The following SLCO2A1 variants were observed in gnomAD, a reference collection of about 807,000 sequenced individuals.
The protein encoded by SLCO2A1 is matrin F/G 1.
SLCO2A1 carries 60 observed loss-of-function variants against 71.7 expected under a neutral mutation model. That is an observed-to-expected ratio of 0.84 (90% CI 0.68 to 1.04). The LOEUF is 1.04. Ranked by LOEUF, SLCO2A1 falls within the 50% of genes least tolerant of loss-of-function variation. The pLI is 0.00. For missense variants in SLCO2A1, 745 were observed against 813.4 expected, an observed-to-expected ratio of 0.92 and a Z score of 1.02; for synonymous variants, 308 against 326.7, an observed-to-expected ratio of 0.94 and a Z score of 0.62.
At chr3:134,018,124 C>T (rs538422434) in intron 1 of SLCO2A1, among the ~76,000 whole-genome samples, 3 of 152,248 alleles carry the variant, frequency 2.0e-5, no homozygotes, top group South Asian at 2.1e-4. Context: ...TACCCGTTCC[C>T]GTTGTTCTCT....
intron 12 of SLCO2A1, 21 bp from the exon 13 acceptor site, chr3:133,935,918 C>T: frequency 6.4e-7 from 1 of 1,564,084 alleles, no homozygotes. Flanking sequence ...GTTCAGAAAG[C>T]CCTGGTCAGG....
chr3:133,962,414 C>T (rs1007823690), intron 3 of SLCO2A1, among the ~76,000 whole-genome samples: 1 of 151,600 alleles, frequency 6.6e-6, no homozygotes, highest in African/African-American at 2.4e-5. Context: ...AAGCTCTTCC[C>T]TTATAAAAAT....
At chr3:133,946,263 C>G (rs904464912) in intron 9 of SLCO2A1, among the ~76,000 whole-genome samples, 4 of 149,868 alleles carry the variant, frequency 2.7e-5, no homozygotes, top group African/African-American at 9.9e-5. Flanking sequence ...AGAGAAAATA[C>G]CAGGGCTGAA....
At chr3:133,944,546 T>C (rs1458764213) in intron 10 of SLCO2A1, among the ~76,000 whole-genome samples, 1 of 152,174 alleles carries the variant, frequency 6.6e-6, no homozygotes, top group African/African-American at 2.4e-5. Context: ...TGAATAGAAG[T>C]GCCCCAGACT....
intron 1 of SLCO2A1, among the ~76,000 whole-genome samples, chr3:134,003,179 G>A (rs1935137555): frequency 6.6e-6 from 1 of 152,240 alleles, no homozygotes; most frequent in Non-Finnish European, 1.5e-5. Flanking sequence ...CAAGACTCCT[G>A]AATGAAATCA....
chr3:133,954,360 C>T (rs573273921), intron 4 of SLCO2A1, among the ~76,000 whole-genome samples: 30 of 152,110 alleles, frequency 2.0e-4, no homozygotes, highest in African/African-American at 7.0e-4. Context: ...CGGGGTTTCT[C>T]CATGTTGATC....
At chr3:133,984,736 G>T (rs1934671523) in intron 1 of SLCO2A1, among the ~76,000 whole-genome samples, 1 of 152,214 alleles carries the variant, frequency 6.6e-6, no homozygotes, top group Non-Finnish European at 1.5e-5. Context: ...GGAGGAAAAG[G>T]TTTGCTAGTT....
intron 3 of SLCO2A1, among the ~76,000 whole-genome samples, chr3:133,972,678 T>C (rs543093558): frequency 3.3e-5 from 5 of 152,308 alleles, no homozygotes; most frequent in South Asian, 2.1e-4. Context: ...ATTAGACTAA[T>C]GGAAGAGTCC....
intron 1 of SLCO2A1, among the ~76,000 whole-genome samples, chr3:133,988,585 G>A (rs1309243167): frequency 6.6e-6 from 1 of 152,248 alleles, no homozygotes; most frequent in Non-Finnish European, 1.5e-5. Flanking sequence ...ACTCACATTT[G>A]TAAAATATTT....
In SLCO2A1 at chr3:134,029,754, T is replaced by C. The variant is rs1351005057; in HGVS notation, c.49A>G (p.Thr17Ala). ...CGGGCACAGCGGCCGGCTCGGCTAGTAGAGGTGTCGCTGCCCTGGGACGCG... is the reference window on the plus strand; with the variant it reads ...CGGGCACAGCGGCCGGCTCGGCTAGCAGAGGTGTCGCTGCCCTGGGACGCG... ...LGASQGSDTS[T>A]SRAGRCARSV... Residue 17 changes from threonine to alanine, a missense_variant, in exon 1 of 14, where the codon ACT becomes GCT. Physicochemically the swap from Thr to Ala is moderately conservative, Grantham distance 58. Coordinates refer to ENST00000310926, the MANE Select transcript of SLCO2A1 (RefSeq NM_005630.3). 1.3e-6 allele frequency: 2 copies of C among 1,583,832 alleles called. No homozygotes were observed. The highest frequency in any genetic ancestry group is 1.7e-6 in the Non-Finnish European group (2 of 1,169,646).
At chr3:133,954,155 T>A (rs1559934004) in intron 4 of SLCO2A1, among the ~76,000 whole-genome samples, 2 of 22,502 alleles carry the variant, frequency 8.9e-5, no homozygotes, top group Admixed American at 5.9e-4. Context: ...GGTGTGTTCT[T>A]TTTTTTTTTT....
chr3:133,937,078 C>T (rs1351727792), intron 12 of SLCO2A1, among the ~76,000 whole-genome samples: 1 of 152,032 alleles, frequency 6.6e-6, no homozygotes, highest in Non-Finnish European at 1.5e-5. Flanking sequence ...GCAAAAGCAG[C>T]GAGTGCTTCA....
chr3:134,017,661 T>C (rs1260864259), intron 1 of SLCO2A1, among the ~76,000 whole-genome samples: 1 of 152,144 alleles, frequency 6.6e-6, no homozygotes, highest in Non-Finnish European at 1.5e-5. Context: ...GGCACATAAA[T>C]GGTCTGAAGG....
At chr3:134,028,659 C>G (rs751044680) in intron 1 of SLCO2A1, among the ~76,000 whole-genome samples, 15 of 152,172 alleles carry the variant, frequency 9.9e-5, no homozygotes, top group Non-Finnish European at 1.8e-4. Flanking sequence ...AATTGCACCA[C>G]CGGAGGCTTT....
intron 1 of SLCO2A1, among the ~76,000 whole-genome samples, chr3:134,010,037 T>C (rs755637388): frequency 6.6e-6 from 1 of 152,186 alleles, no homozygotes; most frequent in Non-Finnish European, 1.5e-5. Context: ...CCATATTATC[T>C]CAGTAAATTT....
chr3:133,983,053 A>G (rs145836493), intron 1 of SLCO2A1, among the ~76,000 whole-genome samples: 4 of 152,178 alleles, frequency 2.6e-5, no homozygotes, highest in Non-Finnish European at 4.4e-5. Context: ...ACCTCTTACA[A>G]TGACACTCTA....
At chr3:133,986,749 C>T (rs1327781178) in intron 1 of SLCO2A1, among the ~76,000 whole-genome samples, 1 of 152,220 alleles carries the variant, frequency 6.6e-6, no homozygotes, top group South Asian at 2.1e-4. Flanking sequence ...GCCCAAGCCA[C>T]GCTTCAGTGA....
intron 8 of SLCO2A1, 116 bp from the exon 9 acceptor site, chr3:133,947,561 T>C: frequency 1.2e-6 from 1 of 848,444 alleles, no homozygotes; most frequent in Non-Finnish European, 1.8e-6. Flanking sequence ...GAACATTTGG[T>C]ATGTTAAATT....
chr3:133,995,472 C>G (rs921645597), intron 1 of SLCO2A1, among the ~76,000 whole-genome samples: 2 of 152,330 alleles, frequency 1.3e-5, no homozygotes, highest in East Asian at 3.9e-4. Context: ...CATGGCCCTC[C>G]TCAGGTGATG....
Sources: allele counts gnomAD v4.1 joint callset (sites outside exome capture counted in the v4.1 genomes callset), GRCh38; gene constraint gnomAD v4.1.1; transcripts MANE v1.5; gene names NCBI Gene and HGNC (gene_info 2026-07-23, HGNC 2026-07-21).